The following PPP2R5E variants were observed in gnomAD, a reference collection of about 807,000 sequenced individuals.
The protein encoded by PPP2R5E is protein phosphatase 2 regulatory subunit B'epsilon, also known as serine/threonine-protein phosphatase 2A 56 kDa regulatory subunit epsilon isoform.
A neutral mutation model predicts 65.3 loss-of-function variants in PPP2R5E; 4 were observed. That is an observed-to-expected ratio of 0.06 (90% CI 0.03 to 0.14). PPP2R5E has a LOEUF of 0.14. PPP2R5E is among the 10% of genes least tolerant of loss of function. PPP2R5E has a pLI of 1.00. For synonymous variants in PPP2R5E, 183 were observed against 187.4 expected (o/e 0.98, Z 0.19); for missense variants, 274 against 556.1 (o/e 0.49, Z 5.10).
chr14:63,415,596 T>C (rs1886644362), intron 4 of PPP2R5E, among the ~76,000 whole-genome samples: 4 of 152,194 alleles, frequency 2.6e-5, no homozygotes, highest in Admixed American at 1.3e-4. Context: ...ATATTATGTA[T>C]ATACTTCATT....
At chr14:63,535,162 C>T (rs368267521) in intron 2 of PPP2R5E, among the ~76,000 whole-genome samples, 51 of 152,102 alleles carry the variant, frequency 3.4e-4, no homozygotes, top group African/African-American at 1.1e-3. Context: ...CAGTGACTGA[C>T]GCCTGTAATC....
chr14:63,486,619 C>T (rs1051645884), intron 2 of PPP2R5E, among the ~76,000 whole-genome samples: 73 of 152,140 alleles, frequency 4.8e-4, no homozygotes, highest in African/African-American at 1.7e-3. Context: ...ATGTGGTCCA[C>T]AGTACTCCAC....
At chr14:63,448,967 T>C (rs1459954359) in intron 3 of PPP2R5E, among the ~76,000 whole-genome samples, 2 of 152,194 alleles carry the variant, frequency 1.3e-5, no homozygotes, top group Non-Finnish European at 2.9e-5. Context: ...TAGATTACTT[T>C]TATCTCTTAC....
Position 63,456,093 on chromosome 14 carries a change from G to A in PPP2R5E, c.158-2208C>T, listed in dbSNP as rs376859052. On this transcript the variant is annotated intron_variant, in intron 2 of 13. Transcript: ENST00000337537. Reference sequence around the variant, plus strand: ...GAAAAAGCTTATTAATATAACATTCGTTACAGGTCAAAATCTTTAGGGAAA... The same window carrying A: ...GAAAAAGCTTATTAATATAACATTCATTACAGGTCAAAATCTTTAGGGAAA... Among the ~76,000 whole-genome samples, 107 of 152,240 alleles carry A rather than the reference G, an allele frequency of 7.0e-4. 1 individual carries two copies. The South Asian group carries it at 0.021, about 29-fold the overall frequency.
chr14:63,501,404 C>CAA (rs140023470), intron 2 of PPP2R5E, among the ~76,000 whole-genome samples: 4 of 87,100 alleles, frequency 4.6e-5, no homozygotes, highest in East Asian at 3.0e-4. Flanking sequence ...GACTCCGTCT[C>CAA]AAAAAAAAAA....
In PPP2R5E at chr14:63,372,035, A is replaced by T. The variant is rs1316622079; in HGVS notation, c.*3974T>A. ...TATTTACAATAAGTGATTTCAAAAA[A>T]AGTAAAGAAAGAGGAAGGGAAGAGG... is the stretch of plus-strand genomic sequence containing the variant. On this transcript the variant is annotated 3_prime_UTR_variant, in exon 14 of 14. Transcript: ENST00000337537. 6.6e-6 allele frequency: 1 copy of T among 152,028 alleles called. No homozygotes were observed. Among genetic ancestry groups the T allele is most frequent in the Non-Finnish European group, 1.5e-5 (1 of 67,992 alleles). 9.4% of individuals were successfully genotyped at this position (152,028 alleles called of 1,614,324 possible).
intron 2 of PPP2R5E, among the ~76,000 whole-genome samples, chr14:63,501,351 G>C (rs1891871404): frequency 6.6e-6 from 1 of 150,400 alleles, no homozygotes; most frequent in African/African-American, 2.5e-5. Context: ...CTTGCAGTGA[G>C]CCGATACAGT....
intron 1 of PPP2R5E, among the ~76,000 whole-genome samples, chr14:63,541,782 T>C (rs1333721851): frequency 6.6e-6 from 1 of 152,140 alleles, no homozygotes; most frequent in Non-Finnish European, 1.5e-5. Context: ...ACACATATGA[T>C]GTTGACGTTT....
intron 2 of PPP2R5E, among the ~76,000 whole-genome samples, chr14:63,465,679 G>C (rs1051934611): frequency 9.2e-5 from 14 of 152,016 alleles, no homozygotes; most frequent in Admixed American, 5.2e-4. Flanking sequence ...TTTTATTCTA[G>C]TAATACCAAA....
At chr14:63,495,216 C>CA (rs1283174675) in intron 2 of PPP2R5E, among the ~76,000 whole-genome samples, 4 of 148,056 alleles carry the variant, frequency 2.7e-5, no homozygotes, top group African/African-American at 1.0e-4. Context: ...GACACACACA[C>CA]AAAAAAATTC....
intron 2 of PPP2R5E, among the ~76,000 whole-genome samples, chr14:63,466,973 T>C (rs1889846893): frequency 6.6e-6 from 1 of 152,086 alleles, no homozygotes; most frequent in South Asian, 2.1e-4. Context: ...ACGCCTGTAA[T>C]CCCAGCACTT....
At chr14:63,507,190 C>A (rs1397210415) in intron 2 of PPP2R5E, among the ~76,000 whole-genome samples, 1 of 152,212 alleles carries the variant, frequency 6.6e-6, no homozygotes, top group Admixed American at 6.5e-5. Context: ...ACTAAAGGAC[C>A]ATCAGTGGGC....
chr14:63,510,462 T>C (rs1353940245), intron 2 of PPP2R5E, among the ~76,000 whole-genome samples: 1 of 152,160 alleles, frequency 6.6e-6, no homozygotes, highest in African/African-American at 2.4e-5. Context: ...TGGTGATAAG[T>C]GCTAAGGAAT....
intron 3 of PPP2R5E, among the ~76,000 whole-genome samples, chr14:63,424,373 A>C (rs546959115): frequency 2.4e-4 from 37 of 152,322 alleles, no homozygotes; most frequent in African/African-American, 8.2e-4. Flanking sequence ...TCAGAACCAG[A>C]GACATATAAG....
At chr14:63,447,272 C>A (rs1418502839) in intron 3 of PPP2R5E, among the ~76,000 whole-genome samples, 1 of 152,244 alleles carries the variant, frequency 6.6e-6, no homozygotes, top group Non-Finnish European at 1.5e-5. Flanking sequence ...CATTGAAACT[C>A]TGTTGTTTGG....
chr14:63,436,213 C>CT (rs1404119610), intron 3 of PPP2R5E, among the ~76,000 whole-genome samples: 2 of 152,172 alleles, frequency 1.3e-5, no homozygotes, highest in Non-Finnish European at 2.9e-5. Flanking sequence ...CAACATAAGG[C>CT]TTTTTTGAGA....
At chr14:63,430,561 A>C (rs17101167) in intron 3 of PPP2R5E, among the ~76,000 whole-genome samples, 4,754 of 152,246 alleles carry the variant, frequency 0.031, 196 homozygotes, top group East Asian at 0.11. Flanking sequence ...TGGTCTCAAT[A>C]ATAAAGAACC....
At chr14:63,423,492 C>G (rs906054208) in intron 3 of PPP2R5E, among the ~76,000 whole-genome samples, 1 of 152,136 alleles carries the variant, frequency 6.6e-6, no homozygotes, top group Non-Finnish European at 1.5e-5. Context: ...GCCCCACTCA[C>G]CCACTCATCT....
At chr14:63,523,757 AAATT>A (rs1434070711) in intron 2 of PPP2R5E, among the ~76,000 whole-genome samples, 1 of 152,080 alleles carries the variant, frequency 6.6e-6, no homozygotes, top group Non-Finnish European at 1.5e-5. Context: ...AAAAAAAAAA[AAATT>A]AATTTGATGA....
Sources: gnomAD v4.1 joint callset for allele counts (sites outside exome capture counted in the v4.1 genomes callset) on GRCh38, gnomAD v4.1.1 for gene constraint, MANE v1.5 for transcripts, NCBI Gene and HGNC (gene_info 2026-07-23, HGNC 2026-07-21) for gene names.